P2RY12: variants seen among roughly 807,000 people sequenced by gnomAD.
P2RY12 encodes purinergic receptor P2Y12.
P2RY12 carries 3 observed loss-of-function variants against 4.5 expected under a neutral mutation model. The observed-to-expected ratio is 0.67, with a 90% CI of 0.31 to 1.74. The LOEUF (loss-of-function observed/expected upper bound fraction) is 1.74. P2RY12 is among the 40% of genes most tolerant of loss of function. The pLI is 0.09. For missense variants in P2RY12, 356 were observed against 407.8 expected, an observed-to-expected ratio of 0.87 and a Z score of 1.09; for synonymous variants, 148 against 154.1, an observed-to-expected ratio of 0.96 and a Z score of 0.29.
intron 1 of P2RY12, chr3:151,376,687 T>C (rs2108070240): frequency 2.3e-6 from 2 of 860,502 alleles, no homozygotes; most frequent in Middle Eastern, 2.5e-4. Flanking sequence ...TATAAATTAT[T>C]TCATTGTGTA....
chr3:151,376,977 A>G (rs752493417), intron 1 of P2RY12: 5 of 1,612,906 alleles, frequency 3.1e-6, no homozygotes, highest in Non-Finnish European at 4.2e-6. Context: ...CAGTATTCTT[A>G]TATCTAACTC....
intron 1 of P2RY12, among the ~76,000 whole-genome samples, chr3:151,358,200 G>A (rs184739354): frequency 5.9e-5 from 9 of 152,136 alleles, no homozygotes; most frequent in Admixed American, 2.0e-4. Flanking sequence ...AAGAGGAAAT[G>A]CTACCTTTAT....
At position 151,336,857 on chromosome 3, in the gene P2RY12, T is replaced by C. The variant is rs1322839711; in HGVS notation, c.*960A>G. On this transcript the variant is annotated 3_prime_UTR_variant, in exon 3 of 3. Coordinates refer to ENST00000302632, the MANE Select transcript of P2RY12 (RefSeq NM_022788.5). ...TTACAACAAAGAATGATTTAGAGTT[T>C]AATGTAAATTTTGTATTTTATACAC... The C allele has an allele frequency of 8.2e-5, 16 of 195,828 alleles. No individual in the cohort carries two copies. The highest frequency in any genetic ancestry group is 2.1e-5 in the Non-Finnish European group (2 of 94,570). The allele number at this position is 195,828 out of a possible 1,614,324, so 12.1% of individuals were successfully genotyped here.
intron 1 of P2RY12, chr3:151,382,748 A>G: frequency 6.2e-7 from 1 of 1,606,000 alleles, no homozygotes; most frequent in Non-Finnish European, 8.5e-7. Context: ...TAAATTTGGT[A>G]AGTGACATTT....
At chr3:151,348,855 A>G (rs1752894566) in intron 1 of P2RY12, among the ~76,000 whole-genome samples, 1 of 152,106 alleles carries the variant, frequency 6.6e-6, no homozygotes, top group South Asian at 2.1e-4. Context: ...CATGTGAAGT[A>G]CTCCAGGTCA....
At chr3:151,376,871 C>T in intron 1 of P2RY12, 3 of 1,613,868 alleles carry the variant, frequency 1.9e-6, no homozygotes, top group Admixed American at 3.3e-5. Flanking sequence ...GCTTGAAGGA[C>T]CCTGTGAGTT....
chr3:151,360,101 A>G (rs974086750), intron 1 of P2RY12, among the ~76,000 whole-genome samples: 2 of 152,152 alleles, frequency 1.3e-5, no homozygotes, highest in Non-Finnish European at 2.9e-5. Context: ...AAACTTGGGA[A>G]TCTTTGCACG....
rs567238967 is a variant in P2RY12 at position 151,352,515 on chromosome 3, T to G, written c.-179-11755A>C. On this transcript the variant is annotated intron_variant, in intron 1 of 2. Coordinates refer to ENST00000302632, the MANE Select transcript of P2RY12 (RefSeq NM_022788.5). ...GTGTAAGCACCAGAAATTAGCTAAC[T>G]GTACTTCATATTAATGGAAATATGC... Among the ~76,000 whole-genome samples, 5 of 152,356 alleles carry G rather than the reference T, an allele frequency of 3.3e-5. No individual in the cohort carries two copies. In the East Asian group the frequency reaches 9.6e-4, roughly 29 times the overall value.
chr3:151,355,698 G>T (rs902669876), intron 1 of P2RY12, among the ~76,000 whole-genome samples: 7 of 152,042 alleles, frequency 4.6e-5, no homozygotes, highest in Non-Finnish European at 1.0e-4. Context: ...ACAACTTTTT[G>T]TATTTTTTAA....
At chr3:151,379,572 ACT>A (rs1430463252) in intron 1 of P2RY12, among the ~76,000 whole-genome samples, 4 of 152,160 alleles carry the variant, frequency 2.6e-5, no homozygotes, top group Non-Finnish European at 5.9e-5. Context: ...CAGCAAGTAC[ACT>A]GTTTTTGGAG....
chr3:151,360,599 T>C, intron 1 of P2RY12: 1 of 1,611,864 alleles, frequency 6.2e-7, no homozygotes, highest in Non-Finnish European at 8.5e-7. Flanking sequence ...TTTGGAGACC[T>C]CTTCAGGTGA....
chr3:151,372,971 A>G (rs1214034930), intron 1 of P2RY12, among the ~76,000 whole-genome samples: 1 of 152,204 alleles, frequency 6.6e-6, no homozygotes, highest in Admixed American at 6.5e-5. Context: ...ACTAATTTTT[A>G]CATTTTGCTA....
chr3:151,347,662 G>GT (rs1752695823), intron 1 of P2RY12, among the ~76,000 whole-genome samples: 1 of 152,152 alleles, frequency 6.6e-6, no homozygotes, highest in Admixed American at 6.6e-5. Flanking sequence ...GAAATGTTGA[G>GT]TAAGGCAGTT....
chr3:151,375,936 A>G (rs1221502345), intron 1 of P2RY12: 2 of 630,818 alleles, frequency 3.2e-6, no homozygotes, highest in Non-Finnish European at 4.7e-6. Context: ...TCAGTTTTCT[A>G]TTCAATTATG....
At chr3:151,378,234 TC>T in intron 1 of P2RY12, 1 of 1,476,258 alleles carries the variant, frequency 6.8e-7, no homozygotes, top group East Asian at 2.4e-5. Flanking sequence ...AAGTCTCACT[TC>T]CTGTAAACCT....
chr3:151,348,747 G>A (rs956532312), intron 1 of P2RY12, among the ~76,000 whole-genome samples: 5 of 152,134 alleles, frequency 3.3e-5, no homozygotes, highest in African/African-American at 7.2e-5. Flanking sequence ...AAGACAGACC[G>A]ACACAAAGAC....
chr3:151,363,266 T>C (rs570725506), intron 1 of P2RY12, among the ~76,000 whole-genome samples: 64 of 152,238 alleles, frequency 4.2e-4, no homozygotes, highest in African/African-American at 1.5e-3. Context: ...AGAGACCTAT[T>C]TGTAGTTTGA....
intron 1 of P2RY12, among the ~76,000 whole-genome samples, chr3:151,364,397 T>G (rs1208933713): frequency 6.6e-6 from 1 of 152,140 alleles, no homozygotes; most frequent in Non-Finnish European, 1.5e-5. Context: ...ATATAATAGT[T>G]TTTTCACTTC....
intron 1 of P2RY12, chr3:151,355,253 G>C (rs763009803): frequency 6.4e-7 from 1 of 1,567,758 alleles, no homozygotes; most frequent in South Asian, 1.1e-5. Flanking sequence ...GCTATTTAAA[G>C]CTGTTTATTA....
Sources: allele counts gnomAD v4.1 joint callset (sites outside exome capture counted in the v4.1 genomes callset), GRCh38; gene constraint gnomAD v4.1.1; transcripts MANE v1.5; gene names NCBI Gene and HGNC (gene_info 2026-07-23, HGNC 2026-07-21).